Variants in GAK observed in about 807,000 individuals in gnomAD.
GAK encodes the protein cyclin G associated kinase, also known as cyclin-G-associated kinase.
In GAK, 79 loss-of-function variants were observed where a neutral mutation model predicts 143.9. That is an observed-to-expected ratio of 0.55 (90% CI 0.46 to 0.66). The LOEUF is 0.66. GAK is among the 30% of genes least tolerant of loss of function. The pLI is 0.00. For synonymous variants in GAK, 881 were observed against 765.5 expected (o/e 1.15, Z -2.49); for missense variants, 1,693 against 1,779.7 (o/e 0.95, Z 0.88).
chr4:863,015 T>C (rs1162199370), intron 23 of GAK, among the ~76,000 whole-genome samples: 1 of 152,246 alleles, frequency 6.6e-6, no homozygotes, highest in African/African-American at 2.4e-5. Context: ...ATTCCTCTGA[T>C]GGATCTGGGT....
intron 21 of GAK, among the ~76,000 whole-genome samples, 169 bp from the exon 22 acceptor site, chr4:866,703 C>T (rs1023281246): frequency 1.2e-4 from 18 of 152,184 alleles, no homozygotes; most frequent in Admixed American, 1.1e-3. Context: ...TCCCCGTGCC[C>T]CACGCCTCAG....
chr4:912,246 GGCAGTGGACAGGGAGT>G (rs938771567), intron 3 of GAK: 4 of 440,246 alleles, frequency 9.1e-6, no homozygotes, highest in African/African-American at 8.0e-5. Context: ...AGGGACATGT[GGCAGTGGACAGGGAGT>G]GCAGCCCCCA....
chr4:885,478 G>A (rs1451117344), intron 11 of GAK, among the ~76,000 whole-genome samples: 2 of 152,210 alleles, frequency 1.3e-5, no homozygotes, highest in Admixed American at 6.5e-5. Context: ...TGGGCATTGA[G>A]TGCCACAGGA....
chr4:859,330 C>T lies in GAK; in HGVS notation c.3283+276G>A, dbSNP rs1005917196. 4 of 1,390,136 alleles carry T rather than the reference C, an allele frequency of 2.9e-6. No individual in the cohort carries two copies. The African/African-American group carries it at 5.7e-5, about 20-fold the overall frequency. The allele number at this position is 1,390,136 out of a possible 1,614,324, so 86.1% of individuals were successfully genotyped here. The stretch of plus-strand genomic sequence containing the variant: ...AGAGACCCCGCCTCCCCGATGGCCC[C>T]CATGGCCCTGAGGACAGGATGGATC... On this transcript the variant is annotated intron_variant, in intron 24 of 27. Transcript: ENST00000314167.
intron 1 of GAK, among the ~76,000 whole-genome samples, chr4:919,709 C>T (rs1723623725): frequency 6.6e-6 from 1 of 152,266 alleles, no homozygotes; most frequent in Admixed American, 6.5e-5. Flanking sequence ...GTTCCTTTTT[C>T]CTGACACTTT....
intron 1 of GAK, among the ~76,000 whole-genome samples, chr4:914,215 C>A (rs1722582479): frequency 2.4e-5 from 2 of 84,920 alleles, no homozygotes; most frequent in African/African-American, 5.0e-5. Flanking sequence ...TGCACAGCCC[C>A]CACACACACA....
chr4:859,727 A>T lies in GAK; in HGVS notation c.3167-5T>A, dbSNP rs374099756. ...CTCCAGGAGAGAAGAGGGGGCCTGG[A>T]GAAGGGGCACAGGGCATTAGAACAA... On this transcript the variant is annotated splice_polypyrimidine_tract_variant and splice_region_variant and intron_variant, in intron 23 of 27. Coordinates refer to ENST00000314167, the MANE Select transcript of GAK (RefSeq NM_005255.4). The T allele has an allele frequency of 6.3e-7, 1 of 1,580,684 alleles. No individual in the cohort carries two copies. The highest frequency in any genetic ancestry group is 1.3e-5 in the African/African-American group (1 of 74,128).
chr4:932,007 C>G lies in GAK; in HGVS notation c.145+36G>C, dbSNP rs1725947662. The stretch of plus-strand genomic sequence containing the variant: ...CCCCAGCGTCCCGGAGACAACACTC[C>G]GCGGCCGCACCCGCGCTGCCGACCC... On this transcript the variant is annotated intron_variant, in intron 1 of 27. Transcript: ENST00000314167. This position sits in a 1 kb window ranked among gnomAD's most constrained non-coding sequence, Gnocchi z 4.0. The G allele has an allele frequency of 6.8e-7, 1 of 1,461,654 alleles. No homozygotes were observed. The highest frequency in any genetic ancestry group is 9.4e-7 in the Non-Finnish European group (1 of 1,063,924). 90.5% of individuals were successfully genotyped at this position (1,461,654 alleles called of 1,614,324 possible).
intron 7 of GAK, 65 bp from the exon 8 acceptor site, chr4:894,074 G>C (rs998885779): frequency 6.9e-7 from 1 of 1,453,270 alleles, no homozygotes; most frequent in Non-Finnish European, 9.1e-7. Flanking sequence ...CTGGGCCTGC[G>C]GGGAGAGCAG....
intron 1 of GAK, among the ~76,000 whole-genome samples, chr4:921,567 A>C (rs1221737483): frequency 6.6e-6 from 1 of 152,234 alleles, no homozygotes. Context: ...CACAGGAGAC[A>C]AATCTTCAAG....
rs1715851902 is a variant in GAK, at chr4:884,479, C to CAT, written c.1206-395_1206-394dup. On this transcript the variant is annotated intron_variant, in intron 11 of 27. Coordinates refer to ENST00000314167, the MANE Select transcript of GAK (RefSeq NM_005255.4). ...GGTGGCTTGGACGATGGTCACGGGT[C>CAT]ATGCCAGGCTCCACGCGCTGCCCAG... 6 of 219,792 alleles carry CAT rather than the reference C, an allele frequency of 2.7e-5. No individual in the cohort carries two copies. In the South Asian group the frequency reaches 3.5e-4, roughly 13 times the overall value. 13.6% of individuals were successfully genotyped at this position (219,792 alleles called of 1,614,324 possible).
At chr4:892,398 C>T (rs1717845411) in intron 9 of GAK, among the ~76,000 whole-genome samples, 1 of 152,186 alleles carries the variant, frequency 6.6e-6, no homozygotes, top group Non-Finnish European at 1.5e-5. Context: ...CCCTGCTCCC[C>T]GTGGGTGAGG....
rs1212516802 is a variant in GAK at position 876,633 on chromosome 4, C to T, written c.1975-24G>A. 3 of 1,604,680 alleles carry T rather than the reference C, an allele frequency of 1.9e-6. No homozygotes were observed. The African/African-American group carries it at 4.0e-5, about 21-fold the overall frequency. ...ATCTGCAAAGAGAGCAAACACGACA[C>T]CCCACGTGGAGGGTGAATCCAGATC... On this transcript the variant is annotated intron_variant, in intron 17 of 27. Transcript: ENST00000314167.
At position 882,923 on chromosome 4, in the gene GAK, T is replaced by A. The variant is rs1037264637; in HGVS notation, c.1405-104A>T. On this transcript the variant is annotated intron_variant, in intron 13 of 27. Coordinates refer to ENST00000314167, the MANE Select transcript of GAK (RefSeq NM_005255.4). ...CTGCAGTGCGGGGGCCTCCGCCAGC[T>A]GGTGTCATGAACAGGCGTCCACCTG... is the stretch of plus-strand genomic sequence containing the variant. 2.1e-5 allele frequency: 31 copies of A among 1,459,144 alleles called. No individual in the cohort carries two copies. In the African/African-American group the frequency reaches 4.0e-4, roughly 19 times the overall value. The allele number at this position is 1,459,144 out of a possible 1,614,324, so 90.4% of individuals were successfully genotyped here.
intron 17 of GAK, 67 bp downstream of exon 17, chr4:877,023 T>C (rs1056489484): frequency 2.5e-5 from 28 of 1,106,736 alleles, no homozygotes; most frequent in Non-Finnish European, 3.7e-5. Flanking sequence ...GAGCGCACTG[T>C]GGCCCCCAGC....
At chr4:904,430 TAACC>T (rs1720673941) in intron 5 of GAK, among the ~76,000 whole-genome samples, 1 of 149,268 alleles carries the variant, frequency 6.7e-6, no homozygotes, top group African/African-American at 2.5e-5. Context: ...GGGCGGCTCC[TAACC>T]GAGCGGGACC....
At chr4:917,039 G>A (rs1226630786) in intron 1 of GAK, among the ~76,000 whole-genome samples, 2 of 151,940 alleles carry the variant, frequency 1.3e-5, no homozygotes, top group Admixed American at 6.6e-5. Context: ...AATAACACAC[G>A]AAAAGGCAGT....
chr4:849,833 G>GGGGGGGGGGCCCCCCCCCC, intron 27 of GAK, 59 bp from the exon 28 acceptor site: 2 of 1,190,148 alleles, frequency 1.7e-6, no homozygotes, highest in Non-Finnish European at 2.3e-6. Flanking sequence ...GGCGGGGCAG[G>GGGGGGGGGGCCCCCCCCCC]ACCCCCCCCC....
chr4:849,833 G>GGGGGGGGGGCCGGCCCCCCCC, intron 27 of GAK, 59 bp from the exon 28 acceptor site: 1 of 1,190,156 alleles, frequency 8.4e-7, no homozygotes, highest in Non-Finnish European at 1.2e-6. Context: ...GGCGGGGCAG[G>GGGGGGGGGGCCGGCCCCCCCC]ACCCCCCCCC....
Sources: allele counts gnomAD v4.1 joint callset (sites outside exome capture counted in the v4.1 genomes callset), GRCh38; gene constraint gnomAD v4.1.1; non-coding constraint Gnocchi (gnomAD v3.1); transcripts MANE v1.5; gene names NCBI Gene and HGNC (gene_info 2026-07-23, HGNC 2026-07-21).